Variants in ASB7 observed in about 807,000 individuals in gnomAD.
ASB7 encodes ankyrin repeat and SOCS box protein 7.
Under a neutral mutation model 32.5 loss-of-function variants are expected in ASB7, and 4 were observed. The observed-to-expected ratio is 0.12, with a 90% confidence interval of 0.06 to 0.28. ASB7 has a LOEUF of 0.28. Ranked by LOEUF, ASB7 falls within the 10% of genes least tolerant of loss-of-function variation. ASB7 has a pLI of 1.00. For synonymous variants in ASB7, 172 were observed against 155.6 expected (o/e 1.11, Z -0.78); for missense variants, 181 against 407.1 (o/e 0.44, Z 4.78).
intron 5 of ASB7, 130 bp from the exon 6 acceptor site, chr15:100,648,193 G>T (rs113960819): frequency 9.0e-5 from 88 of 972,514 alleles, no homozygotes; most frequent in Admixed American, 1.7e-4. Flanking sequence ...CTTTGAGTTG[G>T]TATCTTTCCG....
intron 5 of ASB7, among the ~76,000 whole-genome samples, chr15:100,642,322 C>T (rs918107829): frequency 6.6e-6 from 1 of 152,154 alleles, no homozygotes; most frequent in African/African-American, 2.4e-5. Context: ...TGAAGAAAAG[C>T]CAGTGATACT....
At chr15:100,634,161 T>G (rs1454398386) in intron 5 of ASB7, among the ~76,000 whole-genome samples, 2 of 152,028 alleles carry the variant, frequency 1.3e-5, no homozygotes, top group South Asian at 2.1e-4. Flanking sequence ...AGTTACTGAG[T>G]TTTTTTTCTT....
intron 5 of ASB7, among the ~76,000 whole-genome samples, chr15:100,635,204 A>G (rs574141357): frequency 8.6e-4 from 131 of 152,334 alleles, no homozygotes; most frequent in African/African-American, 2.9e-3. Context: ...TCACCTCCTC[A>G]GAGCTGCTGC....
rs1355867867 is a variant in ASB7 at position 100,629,634 on chromosome 15, C to T, written c.409C>T (p.Leu137=). Residue 137 remains leucine, a synonymous_variant, in exon 5 of 6, where the codon CTG becomes TTG. Transcript: ENST00000332783. This position sits in a 1 kb window ranked among gnomAD's most constrained non-coding sequence, Gnocchi z 6.8. The part of the protein sequence containing the change: ...YGRDSFVRLL[L]EFKAEVDPLS... ...CAGGGACTCATTTGTCCGGCTCCTC[C>T]TGGAGTTCAAGGCTGAGGTTGACCC... The T allele has an allele frequency of 6.2e-7, 1 of 1,614,228 alleles. No individual in the cohort carries two copies.
chr15:100,626,886 C>T (rs35047565), intron 4 of ASB7, among the ~76,000 whole-genome samples: 43,109 of 151,994 alleles, frequency 0.28, 7,302 homozygotes, highest in South Asian at 0.42. Flanking sequence ...TATGAATTTC[C>T]AGAAATGACA....
intron 3 of ASB7, among the ~76,000 whole-genome samples, chr15:100,611,481 A>ATTTTTTTTTTTTTTTTTTTTTT (rs1188398570): frequency 9.0e-4 from 12 of 13,288 alleles, no homozygotes; most frequent in South Asian, 5.4e-3. Context: ...GATTGTTTCG[A>ATTTTTTTTTTTTTTTTTTTTTT]TTCTTTTTTT....
At chr15:100,613,635 G>A (rs765870201) in intron 4 of ASB7, among the ~76,000 whole-genome samples, 8 of 152,134 alleles carry the variant, frequency 5.3e-5, no homozygotes, top group Non-Finnish European at 8.8e-5. Flanking sequence ...GTAAAAGGTG[G>A]GTGTAAAGTC....
At chr15:100,614,371 C>T (rs1000304604) in intron 4 of ASB7, among the ~76,000 whole-genome samples, 15 of 151,744 alleles carry the variant, frequency 9.9e-5, no homozygotes, top group Non-Finnish European at 1.5e-5. Flanking sequence ...CTGTATAATT[C>T]TACAACTGTT....
chr15:100,646,622 G>T, intron 5 of ASB7: 1 of 336,318 alleles, frequency 3.0e-6, no homozygotes, highest in Non-Finnish European at 6.1e-6. Flanking sequence ...TATTTCTTGT[G>T]ATCAGTGTAG....
At chr15:100,604,691 C>A (rs1219167675) in intron 2 of ASB7, among the ~76,000 whole-genome samples, 1 of 152,112 alleles carries the variant, frequency 6.6e-6, no homozygotes, top group African/African-American at 2.4e-5. Context: ...TCAGTATCTA[C>A]CAATGACTGT....
At chr15:100,645,688 A>G (rs904237761) in intron 5 of ASB7, 2 of 1,520,932 alleles carry the variant, frequency 1.3e-6, no homozygotes, top group African/African-American at 1.4e-5. Flanking sequence ...CGAAAGAACC[A>G]TCTTTAGTTT....
intron 4 of ASB7, among the ~76,000 whole-genome samples, chr15:100,618,591 C>G (rs1376258722): frequency 6.6e-6 from 1 of 151,284 alleles, no homozygotes; most frequent in Admixed American, 6.6e-5. Flanking sequence ...CTCTTTTTCT[C>G]TCCCTCACCT....
rs77214578 is a variant in ASB7, at chr15:100,635,631, C to T, written c.817+5589C>T. Among the ~76,000 whole-genome samples the T allele has an allele frequency of 3.8e-4, 58 of 152,316 alleles. No homozygotes were observed. The East Asian group carries it at 5.6e-3, about 15-fold the overall frequency. Reference sequence around the variant, plus strand: ...GAGAGGGTGCATCCTGCAGCTTTCTCGGCTTTCATCCTCTGTTACACGGTG... The same window carrying T: ...GAGAGGGTGCATCCTGCAGCTTTCTTGGCTTTCATCCTCTGTTACACGGTG... On this transcript the variant is annotated intron_variant, in intron 5 of 5. Coordinates refer to ENST00000332783, the MANE Select transcript of ASB7 (RefSeq NM_198243.3).
At chr15:100,635,424 G>A (rs192287779) in intron 5 of ASB7, among the ~76,000 whole-genome samples, 150 of 152,202 alleles carry the variant, frequency 9.9e-4, no homozygotes, top group African/African-American at 3.3e-3. Flanking sequence ...AGCTAGACAT[G>A]GTGGGTAACA....
At chr15:100,642,765 G>A (rs371036764) in intron 5 of ASB7, among the ~76,000 whole-genome samples, 2 of 152,242 alleles carry the variant, frequency 1.3e-5, no homozygotes, top group African/African-American at 2.4e-5. Flanking sequence ...GGCCGGGCGC[G>A]GTGGCTCATG....
At chr15:100,635,334 T>C (rs186931812) in intron 5 of ASB7, among the ~76,000 whole-genome samples, 1 of 152,328 alleles carries the variant, frequency 6.6e-6, no homozygotes, top group African/African-American at 2.4e-5. Flanking sequence ...CATATTTAAG[T>C]CTTGTTCTGA....
chr15:100,637,139 C>T (rs1475797593), intron 5 of ASB7, among the ~76,000 whole-genome samples: 4 of 152,198 alleles, frequency 2.6e-5, no homozygotes, highest in African/African-American at 7.2e-5. Context: ...ATTCTTACTG[C>T]GTACCAAAGG....
chr15:100,638,982 G>A (rs1460263132), intron 5 of ASB7, among the ~76,000 whole-genome samples: 2 of 152,128 alleles, frequency 1.3e-5, no homozygotes, highest in African/African-American at 4.8e-5. Context: ...TGATTCTTAA[G>A]TCAGAGAATA....
chr15:100,617,109 T>C (rs1284347284), intron 4 of ASB7, among the ~76,000 whole-genome samples: 3 of 152,196 alleles, frequency 2.0e-5, no homozygotes, highest in Non-Finnish European at 4.4e-5. Flanking sequence ...TCAGAGCTTT[T>C]CACTTCCTTT....
Sources: gnomAD v4.1 joint callset for allele counts (sites outside exome capture counted in the v4.1 genomes callset) on GRCh38, gnomAD v4.1.1 for gene constraint, Gnocchi (gnomAD v3.1) non-coding constraint, MANE v1.5 for transcripts, NCBI Gene and HGNC (gene_info 2026-07-23, HGNC 2026-07-21) for gene names.